SCCPDH: variants seen among roughly 807,000 people sequenced by gnomAD.
SCCPDH encodes saccharopine dehydrogenase-like oxidoreductase.
In SCCPDH, 34 loss-of-function variants were observed where a neutral mutation model predicts 51.5. That is an observed-to-expected ratio of 0.66 (90% CI 0.50 to 0.88). The LOEUF is 0.88. Among genes scored for constraint, SCCPDH ranks in the 40% least tolerant of loss-of-function variants. SCCPDH has a pLI of 0.00. For synonymous variants in SCCPDH, 187 were observed against 191.3 expected (o/e 0.98, Z 0.19); for missense variants, 464 against 527.1 (o/e 0.88, Z 1.17).
intron 9 of SCCPDH, among the ~76,000 whole-genome samples, chr1:246,763,657 C>T (rs540134064): frequency 2.6e-5 from 4 of 152,252 alleles, no homozygotes; most frequent in African/African-American, 9.6e-5. Flanking sequence ...CTCTCCCCCC[C>T]TTTCCTCCTA....
intron 5 of SCCPDH, among the ~76,000 whole-genome samples, 173 bp downstream of exon 5, chr1:246,744,298 TTTTTA>T (rs1045532742): frequency 2.6e-5 from 4 of 151,978 alleles, no homozygotes; most frequent in East Asian, 1.9e-4. Flanking sequence ...CTTTATTTTC[TTTTTA>T]TTTTATTTTA....
In SCCPDH at chr1:246,736,168, T is replaced by C. The variant is rs1260829473; in HGVS notation, c.384+113T>C. On this transcript the variant is annotated intron_variant, in intron 3 of 11. Coordinates refer to ENST00000366510, the MANE Select transcript of SCCPDH (RefSeq NM_016002.3). ...TATTTAGAAGCCGACAACTCCTTTC[T>C]AGCATTCAGATATGGTATTCGTGTG... The C allele has an allele frequency of 2.7e-4, 178 of 671,116 alleles. No homozygotes were observed. In the Admixed American group the frequency reaches 4.4e-3, roughly 17 times the overall value. The allele number at this position is 671,116 out of a possible 1,614,324, so 41.6% of individuals were successfully genotyped here. A position where few individuals can be genotyped will look rare whatever the true frequency, so the allele number is the denominator to read the frequency against.
At chr1:246,729,545 T>G (rs925117700) in intron 2 of SCCPDH, among the ~76,000 whole-genome samples, 12 of 152,210 alleles carry the variant, frequency 7.9e-5, no homozygotes, top group African/African-American at 2.9e-4. Context: ...TCAGACATTA[T>G]GGTTATCTCC....
intron 1 of SCCPDH, among the ~76,000 whole-genome samples, chr1:246,725,053 G>A (rs564436921): frequency 6.6e-6 from 1 of 152,256 alleles, no homozygotes; most frequent in South Asian, 2.1e-4. Flanking sequence ...CCTTTGCCTC[G>A]TGTTTTGAGG....
At chr1:246,733,191 A>C (rs1006421761) in intron 2 of SCCPDH, among the ~76,000 whole-genome samples, 2 of 151,922 alleles carry the variant, frequency 1.3e-5, no homozygotes, top group African/African-American at 4.8e-5. Flanking sequence ...GGCTCAAGGG[A>C]TCTTCCAGCC....
chr1:246,762,844 A>G (rs975689079), intron 9 of SCCPDH, among the ~76,000 whole-genome samples: 3 of 135,668 alleles, frequency 2.2e-5, no homozygotes, highest in African/African-American at 8.1e-5. Flanking sequence ...CCTTCTCCAA[A>G]AAAAAAAAAA....
At chr1:246,766,993 T>G (rs1669095177) in intron 11 of SCCPDH, among the ~76,000 whole-genome samples, 1 of 152,122 alleles carries the variant, frequency 6.6e-6, no homozygotes, top group African/African-American at 2.4e-5. Context: ...CCAGTCTAGA[T>G]AGGGTTGGCT....
At chr1:246,765,474 TGACTG>T (rs757042977) in intron 10 of SCCPDH, among the ~76,000 whole-genome samples, 37 of 152,234 alleles carry the variant, frequency 2.4e-4, no homozygotes, top group Non-Finnish European at 4.9e-4. Flanking sequence ...TAAGGTAAGT[TGACTG>T]TATTTTCATT....
At chr1:246,760,572 T>A (rs1399867576) in intron 9 of SCCPDH, among the ~76,000 whole-genome samples, 1 of 152,162 alleles carries the variant, frequency 6.6e-6, no homozygotes, top group Non-Finnish European at 1.5e-5. Context: ...TCTCCTCTGT[T>A]ATCTTTTCCT....
intron 1 of SCCPDH, among the ~76,000 whole-genome samples, chr1:246,725,340 T>C (rs1018501290): frequency 1.3e-5 from 2 of 152,142 alleles, no homozygotes; most frequent in Non-Finnish European, 2.9e-5. Context: ...CATATATTTA[T>C]TGAGTGACGT....
intron 1 of SCCPDH, among the ~76,000 whole-genome samples, chr1:246,725,002 A>C (rs1026716621): frequency 3.9e-5 from 6 of 152,004 alleles, no homozygotes; most frequent in Non-Finnish European, 7.4e-5. Context: ...GTTTGGTCGG[A>C]GAGGAGAGGA....
chr1:246,733,833 ATTAGTTTTATGTG>A (rs1476193973), intron 2 of SCCPDH, among the ~76,000 whole-genome samples: 1 of 152,206 alleles, frequency 6.6e-6, no homozygotes, highest in Non-Finnish European at 1.5e-5. Flanking sequence ...GCAAAGTGAA[ATTAGTTTTATGTG>A]TGACTCATGC....
At chr1:246,756,991 A>C (rs967371700) in intron 5 of SCCPDH, among the ~76,000 whole-genome samples, 1 of 152,210 alleles carries the variant, frequency 6.6e-6, no homozygotes, top group African/African-American at 2.4e-5. Context: ...TCAATATAAT[A>C]AATGAAGTTT....
chr1:246,739,398 C>T (rs1453680022), intron 3 of SCCPDH, among the ~76,000 whole-genome samples: 1 of 152,184 alleles, frequency 6.6e-6, no homozygotes, highest in Non-Finnish European at 1.5e-5. Context: ...CTGACCAGTA[C>T]TCCTCAAAAC....
At chr1:246,762,827 C>T (rs886833781) in intron 9 of SCCPDH, among the ~76,000 whole-genome samples, 5 of 134,894 alleles carry the variant, frequency 3.7e-5, no homozygotes, top group East Asian at 2.1e-4. Flanking sequence ...GGCAACACAG[C>T]GAGATTCCTT....
In SCCPDH at chr1:246,726,401, AT is replaced by A. The variant is rs34215381; in HGVS notation, c.191-475del. The stretch of plus-strand genomic sequence containing the variant: ...ACAGGCTATGCCACCATGTCAGATA[AT>A]TTTTTTTTTTTTTTTAGTAGAGACA... On this transcript the variant is annotated intron_variant, in intron 1 of 11. Transcript: ENST00000366510. Among the ~76,000 whole-genome samples the A allele has an allele frequency of 3.5e-3, 509 of 143,694 alleles. 1 individual carries two copies. The highest frequency in any genetic ancestry group is 7.5e-3 in the Middle Eastern group (2 of 268). 94.3% of individuals were successfully genotyped at this position (143,694 alleles called of 152,430 possible).
At chr1:246,745,931 AC>A (rs1668751689) in intron 5 of SCCPDH, among the ~76,000 whole-genome samples, 1 of 151,866 alleles carries the variant, frequency 6.6e-6, no homozygotes, top group African/African-American at 2.4e-5. Context: ...ACACGGTGAA[AC>A]CCCGTCTCTA....
chr1:246,763,927 G>A (rs1238630240), intron 9 of SCCPDH, among the ~76,000 whole-genome samples: 3 of 151,830 alleles, frequency 2.0e-5, no homozygotes, highest in African/African-American at 7.3e-5. Flanking sequence ...GGCTATTTTT[G>A]TCTTGTCGCC....
chr1:246,733,000 G>A (rs1161912702), intron 2 of SCCPDH, among the ~76,000 whole-genome samples: 1 of 152,212 alleles, frequency 6.6e-6, no homozygotes, highest in Non-Finnish European at 1.5e-5. Flanking sequence ...GCTCAGTTTT[G>A]TCTCAGAGTC....
Sources: allele counts gnomAD v4.1 joint callset (sites outside exome capture counted in the v4.1 genomes callset), GRCh38; gene constraint gnomAD v4.1.1; transcripts MANE v1.5; gene names NCBI Gene and HGNC (gene_info 2026-07-23, HGNC 2026-07-21).